Variants in PHGDH observed in about 807,000 individuals in gnomAD.
PHGDH encodes the protein D-3-phosphoglycerate dehydrogenase.
Under a neutral mutation model 52.6 loss-of-function variants are expected in PHGDH, and 50 were observed. The observed-to-expected ratio is 0.95, with a 90% confidence interval of 0.76 to 1.20. PHGDH has a LOEUF of 1.20. Ranked by LOEUF, PHGDH falls within the 50% of genes most tolerant of loss-of-function variation. The probability of loss-of-function intolerance (pLI) is 0.00; values close to 1 mark genes in which losing one functional copy is unlikely to be tolerated. For synonymous variants in PHGDH, 271 were observed against 280.5 expected (o/e 0.97, Z 0.34); for missense variants, 630 against 684.6 (o/e 0.92, Z 0.89).
At chr1:119,722,094 G>T (rs1414066835) in intron 2 of PHGDH, among the ~76,000 whole-genome samples, 3 of 152,182 alleles carry the variant, frequency 2.0e-5, no homozygotes, top group East Asian at 3.9e-4. Context: ...GAGGTTAATT[G>T]GTCACCTGAC....
Position 119,744,009 on chromosome 1 carries a change from A to ATGTG in PHGDH, c.1572_1575dup (p.Thr526CysfsTer3), listed in dbSNP as rs967716777. 4 of 1,614,114 alleles carry ATGTG rather than the reference A, an allele frequency of 2.5e-6. No homozygotes were observed. The African/African-American group carries it at 5.3e-5, about 22-fold the overall frequency. ...CCCAGCCTGGAAGCGTGGAAGCAGCATGTGACTGAAGCCTTCCAGTTCCAC... is the reference window on the plus strand; with the variant it reads ...CCCAGCCTGGAAGCGTGGAAGCAGCATGTGTGTGACTGAAGCCTTCCAGTTCCAC... On this transcript the variant is annotated frameshift_variant, in exon 12 of 12. Coordinates refer to ENST00000641023, the MANE Select transcript of PHGDH (RefSeq NM_006623.4). LOFTEE classifies it high-confidence loss of function.
chr1:119,734,901 G>C, intron 6 of PHGDH, 135 bp downstream of exon 6: 1 of 1,008,278 alleles, frequency 9.9e-7, no homozygotes, highest in Non-Finnish European at 1.5e-6. Context: ...GCAGAGGCTG[G>C]TGTTTTGTTA....
In PHGDH at chr1:119,734,805, C is replaced by T. The variant is rs587722338; in HGVS notation, c.643+39C>T. Reference sequence around the variant, plus strand: ...TACATTGTGGATTGGTCACAGAAGCCACAGACCAGTTAACAAATGGGCCCT... The same window carrying T: ...TACATTGTGGATTGGTCACAGAAGCTACAGACCAGTTAACAAATGGGCCCT... On this transcript the variant is annotated intron_variant, in intron 6 of 11. Coordinates refer to ENST00000641023, the MANE Select transcript of PHGDH (RefSeq NM_006623.4). 3.6e-5 allele frequency: 58 copies of T among 1,611,680 alleles called. No homozygotes were observed. The South Asian group carries it at 6.3e-4, about 17-fold the overall frequency.
rs1652287175 is a variant in PHGDH at position 119,743,035 on chromosome 1, A to G, written c.1438A>G (p.Thr480Ala). The change falls in exon 11 of 12, where the codon ACC becomes GCC. Residue 480 changes from threonine (T) to alanine (A), a missense_variant. Physicochemically the swap from Thr to Ala is moderately conservative, Grantham distance 58. Transcript: ENST00000641023. ...TQTSDPAMLP[T>A]MIGLLAEAGV... ...GACCTCTGACCCTGCAATGCTGCCT[A>G]CCATGATTGGTGAGGAGGGCCCTGT... 1.2e-6 allele frequency: 2 copies of G among 1,607,294 alleles called. No homozygotes were observed. The highest frequency in any genetic ancestry group is 2.2e-5 in the East Asian group (1 of 44,844).
In PHGDH at chr1:119,731,196, C is replaced by T. The variant is rs587648300; in HGVS notation, c.511-3438C>T. Among the ~76,000 whole-genome samples the T allele has an allele frequency of 1.1e-4, 17 of 152,236 alleles. No homozygotes were observed. In the South Asian group the frequency reaches 3.1e-3, roughly 28 times the overall value. On this transcript the variant is annotated intron_variant, in intron 5 of 11. Coordinates refer to ENST00000641023, the MANE Select transcript of PHGDH (RefSeq NM_006623.4). Reference sequence around the variant, plus strand: ...GCAGCATTAAAAGAAGTATGGCTTCCGGAGCAAGGGAGGTGACATTCCTCA... The same window carrying T: ...GCAGCATTAAAAGAAGTATGGCTTCTGGAGCAAGGGAGGTGACATTCCTCA...
intron 2 of PHGDH, among the ~76,000 whole-genome samples, chr1:119,722,093 T>A (rs1378782509): frequency 6.6e-6 from 1 of 152,206 alleles, no homozygotes; most frequent in Non-Finnish European, 1.5e-5. Context: ...AGAGGTTAAT[T>A]GGTCACCTGA....
rs1457317689 is a variant in PHGDH at position 119,725,556 on chromosome 1, A to T, written c.357-1295A>T. Among the ~76,000 whole-genome samples, 8 of 152,304 alleles carry T rather than the reference A, an allele frequency of 5.3e-5. No individual in the cohort carries two copies. In the South Asian group the frequency reaches 1.5e-3, roughly 28 times the overall value. ...GTGAGGTGAATGCAGCTTGTCCCCC[A>T]TGTGGCTTGGTACTGAAGTTCTTCT... On this transcript the variant is annotated intron_variant, in intron 3 of 11. Coordinates refer to ENST00000641023, the MANE Select transcript of PHGDH (RefSeq NM_006623.4).
At chr1:119,726,928 C>T (rs1211179859) in intron 4 of PHGDH, 23 bp downstream of exon 4, 2 of 1,612,980 alleles carry the variant, frequency 1.2e-6, no homozygotes, top group South Asian at 2.2e-5. Flanking sequence ...CTTGACTCGC[C>T]CCACCTGGGC....
chr1:119,726,744 G>A, intron 3 of PHGDH, 107 bp from the exon 4 acceptor site: 1 of 867,212 alleles, frequency 1.2e-6, no homozygotes, highest in Non-Finnish European at 2.0e-6. Flanking sequence ...CCAGTTCTTG[G>A]GGAAGTGGCT....
At chr1:119,742,298 G>A in intron 10 of PHGDH, 1 of 360,010 alleles carries the variant, frequency 2.8e-6, no homozygotes, top group South Asian at 2.5e-5. Flanking sequence ...CTGCTGCCTT[G>A]CACGGCTTCC....
intron 8 of PHGDH, chr1:119,740,078 A>G (rs587715412): frequency 2.5e-6 from 1 of 407,062 alleles, no homozygotes. Context: ...GTGCTGTCCA[A>G]TCCCTTCCCC....
chr1:119,741,195 G>C (rs587621706), intron 9 of PHGDH, among the ~76,000 whole-genome samples: 1 of 152,280 alleles, frequency 6.6e-6, no homozygotes, highest in South Asian at 2.1e-4. Flanking sequence ...CTGTAGACGT[G>C]TATCTTTCCC....
rs2101171082 is a variant in PHGDH at position 119,726,845 on chromosome 1, T to C, written c.357-6T>C. The C allele has an allele frequency of 3.1e-6, 5 of 1,613,530 alleles. No individual in the cohort carries two copies. The highest frequency in any genetic ancestry group is 4.2e-6 in the Non-Finnish European group (5 of 1,179,644). On this transcript the variant is annotated splice_region_variant and splice_polypyrimidine_tract_variant and intron_variant, in intron 3 of 11. Coordinates refer to ENST00000641023, the MANE Select transcript of PHGDH (RefSeq NM_006623.4). ...GGACCCTCTGAACCTGTGTCTATCC[T>C]TGCAGGCAGATTCCCCAGGCGACGG...
chr1:119,742,153 A>G lies in PHGDH; in HGVS notation c.1209+256A>G, dbSNP rs371297490. 1,250 of 528,528 alleles carry G rather than the reference A, an allele frequency of 2.4e-3. 24 individuals are homozygous for G. The South Asian group carries it at 0.025, about 10-fold the overall frequency. The allele number at this position is 528,528 out of a possible 1,614,324, so 32.7% of individuals were successfully genotyped here. A position where few individuals can be genotyped will look rare whatever the true frequency, so the allele number is the denominator to read the frequency against. On this transcript the variant is annotated intron_variant, in intron 10 of 11. Coordinates refer to ENST00000641023, the MANE Select transcript of PHGDH (RefSeq NM_006623.4). ...TAGAAGTGTCCCCATTTCACAGCCA[A>G]AGAAAATGACGAGCTAGTGTGTTTG...
At chr1:119,718,891 C>T (rs114378295) in intron 1 of PHGDH, among the ~76,000 whole-genome samples, 69 of 152,226 alleles carry the variant, frequency 4.5e-4, no homozygotes, top group African/African-American at 1.6e-3. Flanking sequence ...AGATATGAAA[C>T]ATATTATATT....
intron 5 of PHGDH, chr1:119,729,578 A>C (rs1651599517): frequency 6.6e-6 from 1 of 152,156 alleles, no homozygotes; most frequent in Non-Finnish European, 1.5e-5. Flanking sequence ...AGACTTCGGC[A>C]GCGACTTCAA....
chr1:119,741,940 A>G (rs1240658592), intron 10 of PHGDH, 43 bp downstream of exon 10: 1 of 1,544,558 alleles, frequency 6.5e-7, no homozygotes, highest in South Asian at 1.1e-5. Flanking sequence ...CCCTGTCAGC[A>G]CTAGTCTTCT....
chr1:119,718,315 G>A (rs1422776622), intron 1 of PHGDH, among the ~76,000 whole-genome samples: 1 of 152,230 alleles, frequency 6.6e-6, no homozygotes, highest in Non-Finnish European at 1.5e-5. Context: ...TTAAGTGTCA[G>A]TTTGCTTGTC....
intron 5 of PHGDH, among the ~76,000 whole-genome samples, chr1:119,731,458 G>A (rs1651686155): frequency 6.6e-6 from 1 of 152,176 alleles, no homozygotes; most frequent in South Asian, 2.1e-4. Context: ...GAACAGACAA[G>A]CATCTCTTAA....
Sources: allele counts gnomAD v4.1 joint callset (sites outside exome capture counted in the v4.1 genomes callset), GRCh38; gene constraint gnomAD v4.1.1; transcripts MANE v1.5; gene names NCBI Gene and HGNC (gene_info 2026-07-23, HGNC 2026-07-21).